The following TAFA2 variants were observed in gnomAD, a reference collection of about 807,000 sequenced individuals.
TAFA2 encodes chemokine-like protein TAFA-2.
A neutral mutation model predicts 18.8 loss-of-function variants in TAFA2; 7 were observed. That is an observed-to-expected ratio of 0.37 (90% CI 0.21 to 0.70). The LOEUF is 0.70. Among genes scored for constraint, TAFA2 ranks in the 30% least tolerant of loss-of-function variants. The pLI, the probability that TAFA2 is intolerant of heterozygous loss-of-function variation, is 0.53. For synonymous variants in TAFA2, 60 were observed against 54.2 expected (o/e 1.11, Z -0.47); for missense variants, 122 against 158.1 (o/e 0.77, Z 1.23).
chr12:62,010,300 C>T (rs1010726119), intron 1 of TAFA2, among the ~76,000 whole-genome samples: 1 of 151,954 alleles, frequency 6.6e-6, no homozygotes, highest in African/African-American at 2.4e-5. Flanking sequence ...CCTGGGTTTG[C>T]CAGCGCGCCG....
chr12:61,789,277 T>A (rs553997060), intron 2 of TAFA2, among the ~76,000 whole-genome samples: 1 of 152,092 alleles, frequency 6.6e-6, no homozygotes, highest in South Asian at 2.1e-4. Flanking sequence ...CAGTTTTAGG[T>A]CTTACATTTA....
intron 4 of TAFA2, among the ~76,000 whole-genome samples, chr12:61,716,480 T>A (rs1869665218): frequency 6.6e-6 from 1 of 152,190 alleles, no homozygotes; most frequent in African/African-American, 2.4e-5. Flanking sequence ...CAGATTTTTT[T>A]AAATTTCAGT....
intron 2 of TAFA2, among the ~76,000 whole-genome samples, chr12:61,778,740 G>C (rs907666345): frequency 6.6e-6 from 1 of 151,854 alleles, no homozygotes; most frequent in Admixed American, 6.6e-5. Flanking sequence ...CTGTGCTCTT[G>C]AACAAATTAT....
chr12:61,990,848 T>C (rs539345421), intron 1 of TAFA2, among the ~76,000 whole-genome samples: 3 of 152,314 alleles, frequency 2.0e-5, no homozygotes, highest in Admixed American at 6.5e-5. Flanking sequence ...TAAATGGAAT[T>C]TGTGGGTACA....
At chr12:61,840,512 A>C (rs1190020497) in intron 2 of TAFA2, among the ~76,000 whole-genome samples, 2 of 151,990 alleles carry the variant, frequency 1.3e-5, no homozygotes, top group African/African-American at 4.8e-5. Context: ...TGTACATGTT[A>C]ATTTTCAATG....
intron 1 of TAFA2, among the ~76,000 whole-genome samples, chr12:62,217,965 T>C (rs1023032215): frequency 2.1e-4 from 22 of 104,844 alleles, no homozygotes; most frequent in African/African-American, 7.3e-4. Flanking sequence ...TTTTTATGTA[T>C]GTATTTATTT....
intron 1 of TAFA2, among the ~76,000 whole-genome samples, chr12:62,159,632 A>T (rs574833039): frequency 3.6e-4 from 55 of 152,072 alleles, no homozygotes; most frequent in African/African-American, 1.3e-3. Context: ...TTTTGTCTTG[A>T]TTGGACTGAG....
intron 1 of TAFA2, among the ~76,000 whole-genome samples, chr12:62,176,707 C>T (rs1338677219): frequency 6.6e-6 from 1 of 152,078 alleles, no homozygotes; most frequent in Admixed American, 6.5e-5. Flanking sequence ...GAGACATATT[C>T]AAAGAATGCT....
At chr12:61,874,881 G>A (rs1382005483) in intron 1 of TAFA2, among the ~76,000 whole-genome samples, 1 of 152,020 alleles carries the variant, frequency 6.6e-6, no homozygotes. Context: ...TCTATAAAAT[G>A]GGAATGTTGT....
intron 1 of TAFA2, among the ~76,000 whole-genome samples, chr12:62,100,515 A>G (rs1343472045): frequency 6.6e-6 from 1 of 152,180 alleles, no homozygotes; most frequent in East Asian, 1.9e-4. Context: ...TCCAGCAATG[A>G]TTTATGGACT....
At chr12:61,792,401 G>C (rs1198892396) in intron 2 of TAFA2, among the ~76,000 whole-genome samples, 2 of 151,520 alleles carry the variant, frequency 1.3e-5, no homozygotes, top group East Asian at 3.9e-4. Flanking sequence ...TATTTTAAAT[G>C]TGGCCACCAC....
At chr12:62,146,391 C>T (rs1424591678) in intron 1 of TAFA2, among the ~76,000 whole-genome samples, 1 of 150,770 alleles carries the variant, frequency 6.6e-6, no homozygotes, top group Non-Finnish European at 1.5e-5. Context: ...TCAAGTGATC[C>T]TCCTACCTCA....
intron 2 of TAFA2, among the ~76,000 whole-genome samples, chr12:61,816,132 C>G (rs1205727896): frequency 2.0e-5 from 3 of 151,152 alleles, no homozygotes; most frequent in East Asian, 3.9e-4. Context: ...GGTATTAAAC[C>G]TAGTTCCCAA....
At chr12:62,012,433 G>C (rs1838380) in intron 1 of TAFA2, among the ~76,000 whole-genome samples, 62,192 of 149,186 alleles carry the variant, frequency 0.42, 13,440 homozygotes, top group Non-Finnish European at 0.47. Flanking sequence ...AAAAAAGACT[G>C]TTGATTTGTT....
chr12:62,139,236 A>C (rs927010840), intron 1 of TAFA2, among the ~76,000 whole-genome samples: 2 of 152,218 alleles, frequency 1.3e-5, no homozygotes, highest in Non-Finnish European at 2.9e-5. Context: ...AGTCAGCAAG[A>C]TAGTCAGTAT....
At chr12:61,721,020 GACA>G (rs1869871203) in intron 4 of TAFA2, 18 of 472,140 alleles carry the variant, frequency 3.8e-5, no homozygotes, top group South Asian at 2.3e-4. Context: ...AGCATAAAGG[GACA>G]ACAAGACAAT....
At chr12:61,793,416 A>C (rs779109792) in intron 2 of TAFA2, among the ~76,000 whole-genome samples, 1 of 151,610 alleles carries the variant, frequency 6.6e-6, no homozygotes, top group Non-Finnish European at 1.5e-5. Context: ...GAAAAATTTT[A>C]AAAGTGATGG....
In TAFA2 at chr12:61,994,578, TGC is replaced by T. The variant is rs144167699; in HGVS notation, c.-1-127154_-1-127153del. 8.7e-3 allele frequency among the ~76,000 whole-genome samples: 1,322 copies of T among 152,248 alleles called. 19 individuals are homozygous for T. Among genetic ancestry groups the T allele is most frequent in the African/African-American group, 0.03 (1,238 of 41,542 alleles). On this transcript the variant is annotated intron_variant, in intron 1 of 4. Transcript: ENST00000416284. ...AAATAAAATACCTCCATTTTTTTCA[TGC>T]CATTCTTCAGTCCATTCTAATCATA...
chr12:61,891,366 G>A (rs751299371), intron 1 of TAFA2, among the ~76,000 whole-genome samples: 2 of 152,174 alleles, frequency 1.3e-5, no homozygotes, highest in Admixed American at 6.5e-5. Context: ...AAAAAGAAGG[G>A]CTGCGCGCAG....
Sources: allele counts gnomAD v4.1 joint callset (sites outside exome capture counted in the v4.1 genomes callset), GRCh38; gene constraint gnomAD v4.1.1; transcripts MANE v1.5; gene names NCBI Gene and HGNC (gene_info 2026-07-23, HGNC 2026-07-21).